RUVBL2: variants seen among roughly 807,000 people sequenced by gnomAD.
The protein encoded by RUVBL2 is RuvB like AAA ATPase 2.
A neutral mutation model predicts 57.9 loss-of-function variants in RUVBL2; 9 were observed. The observed-to-expected ratio is 0.16, with a 90% confidence interval of 0.09 to 0.27. RUVBL2 has a LOEUF of 0.27. RUVBL2 is among the 10% of genes least tolerant of loss of function. RUVBL2 has a pLI of 1.00. For missense variants in RUVBL2, 456 were observed against 669.6 expected (o/e 0.68, Z 3.52); for synonymous variants, 278 against 264.6 (o/e 1.05, Z -0.49).
In RUVBL2 at chr19:49,011,648, A is replaced by G. The variant is rs534781619; in HGVS notation, c.1001+338A>G. 9.8e-5 allele frequency among the ~76,000 whole-genome samples: 15 copies of G among 152,316 alleles called. No individual in the cohort carries two copies. The South Asian group carries it at 3.1e-3, about 32-fold the overall frequency. ...AGGGAAGCACAGTGACATCTGTTAG[A>G]CATAACATAAACTACGATTGTTCAG... On this transcript the variant is annotated intron_variant, in intron 11 of 14. Coordinates refer to ENST00000595090, the MANE Select transcript of RUVBL2 (RefSeq NM_006666.3). This position sits in a 1 kb window ranked among gnomAD's most constrained non-coding sequence, Gnocchi z 4.4.
chr19:49,006,049 C>T (rs908958331), intron 4 of RUVBL2, among the ~76,000 whole-genome samples: 8 of 152,378 alleles, frequency 5.3e-5, no homozygotes, highest in Non-Finnish European at 1.2e-4. Context: ...TGAGGCTAGC[C>T]TCGCCCTGGC....
Position 49,010,482 on chromosome 19 carries a change from C to CCCCACACCAA in RUVBL2, c.664-5_664-4insCCACACCAAC. 1 of 1,605,480 alleles carries CCCCACACCAA rather than the reference C, an allele frequency of 6.2e-7. No individual in the cohort carries two copies. Among genetic ancestry groups the CCCCACACCAA allele is most frequent in the Non-Finnish European group, 8.5e-7 (1 of 1,173,114 alleles). The stretch of plus-strand genomic sequence containing the variant: ...CCGCCGTTCTTCCCCCACCCCCGCC[C>CCCCACACCAA]CATAGACCAAGTTCGTGCAGTGCCC... On this transcript the variant is annotated splice_polypyrimidine_tract_variant and splice_region_variant and intron_variant, in intron 8 of 14. Transcript: ENST00000595090.
intron 4 of RUVBL2, 87 bp from the exon 5 acceptor site, chr19:49,006,931 G>A: frequency 6.5e-7 from 1 of 1,547,352 alleles, no homozygotes; most frequent in Admixed American, 1.8e-5. Context: ...CTTTCCTGGG[G>A]TGGGAGAAAA....
chr19:48,998,108 G>C (rs941297292), intron 1 of RUVBL2, among the ~76,000 whole-genome samples: 2 of 152,172 alleles, frequency 1.3e-5, no homozygotes, highest in Non-Finnish European at 1.5e-5. Context: ...CAGGGAGATC[G>C]GGCTCCCAGG....
At chr19:49,015,281 T>C (rs1023960186) in intron 13 of RUVBL2, 131 bp downstream of exon 13, 4 of 1,313,762 alleles carry the variant, frequency 3.0e-6, no homozygotes, top group Non-Finnish European at 3.1e-6. Context: ...ATCCCTCAGG[T>C]TGGCTTCTGT....
upstream of RUVBL2, chr19:48,993,581 G>A (rs558155873): frequency 1.4e-5 from 7 of 500,898 alleles, no homozygotes; most frequent in Non-Finnish European, 2.2e-5. Flanking sequence ...AGGAGGGTGG[G>A]ATAAAGAGGA....
intron 2 of RUVBL2, among the ~76,000 whole-genome samples, chr19:49,002,181 T>C (rs2039197472): frequency 2.0e-5 from 3 of 152,044 alleles, no homozygotes; most frequent in Non-Finnish European, 4.4e-5. Context: ...CCCGAGTATC[T>C]GAGACTACAG....
chr19:49,009,256 A>G (rs942541021), intron 6 of RUVBL2, among the ~76,000 whole-genome samples: 21 of 142,668 alleles, frequency 1.5e-4, no homozygotes, highest in Non-Finnish European at 2.6e-4. Flanking sequence ...TGGGAGGCCG[A>G]GGTGGGCAGA....
intron 6 of RUVBL2, among the ~76,000 whole-genome samples, chr19:49,007,702 C>T (rs1054252228): frequency 1.3e-5 from 2 of 150,446 alleles, no homozygotes; most frequent in African/African-American, 4.9e-5. Flanking sequence ...GTGATTTGCT[C>T]TCTCTTTTTT....
chr19:49,003,961 T>A (rs910655758), intron 3 of RUVBL2, among the ~76,000 whole-genome samples: 3 of 150,656 alleles, frequency 2.0e-5, no homozygotes, highest in Admixed American at 6.6e-5. Context: ...CAAAAAATTT[T>A]AAAAATTAGC....
intron 6 of RUVBL2, among the ~76,000 whole-genome samples, chr19:49,008,008 CTTTTTTTTTTTTTTTT>C (rs915809242): frequency 1.1e-5 from 1 of 90,386 alleles, no homozygotes; most frequent in Non-Finnish European, 2.2e-5. Flanking sequence ...TACCTGGCCT[CTTTTTTTTTTTTTTTT>C]TTTTTTTTTA....
At chr19:49,001,558 C>T (rs184319651) in intron 2 of RUVBL2, 2 of 150,838 alleles carry the variant, frequency 1.3e-5, no homozygotes, top group Non-Finnish European at 2.9e-5. Context: ...CACCCAGGAG[C>T]CTCCCTTGGG....
intron 1 of RUVBL2, chr19:48,994,717 G>A (rs2039019400): frequency 6.6e-6 from 1 of 152,060 alleles, no homozygotes; most frequent in Non-Finnish European, 1.5e-5. Flanking sequence ...ATCACTTCAG[G>A]TCAGGAGTTC....
chr19:49,013,489 G>T (rs1294423200), intron 11 of RUVBL2, among the ~76,000 whole-genome samples: 1 of 152,102 alleles, frequency 6.6e-6, no homozygotes, highest in Non-Finnish European at 1.5e-5. Context: ...GTGCAAGGAG[G>T]CTGTGAAGCC....
At chr19:49,005,489 A>G (rs1321448788) in intron 4 of RUVBL2, among the ~76,000 whole-genome samples, 1 of 152,186 alleles carries the variant, frequency 6.6e-6, no homozygotes, top group Non-Finnish European at 1.5e-5. Flanking sequence ...TTGTTGCTAG[A>G]GGCTTCCAGA....
Position 49,014,030 on chromosome 19 carries a change from A to G in RUVBL2, c.1002-454A>G, listed in dbSNP as rs1042466020. On this transcript the variant is annotated intron_variant, in intron 11 of 14. Transcript: ENST00000595090. ...GAGGCTCGAGAGAGCCTAACCCTGTATTCCAGTAGGAGCAGTGGCTCAGGA... is the reference window on the plus strand; with the variant it reads ...GAGGCTCGAGAGAGCCTAACCCTGTGTTCCAGTAGGAGCAGTGGCTCAGGA... 2.2e-4 allele frequency among the ~76,000 whole-genome samples: 34 copies of G among 152,274 alleles called. 1 individual carries two copies. Among genetic ancestry groups the G allele is most frequent in the Middle Eastern group, 3.2e-3 (1 of 316 alleles).
At position 49,011,162 on chromosome 19, in the gene RUVBL2, T is replaced by G. The variant is rs760021799; in HGVS notation, c.883-30T>G. 1 of 1,610,916 alleles carries G rather than the reference T, an allele frequency of 6.2e-7. No homozygotes were observed. The highest frequency in any genetic ancestry group is 8.5e-7 in the Non-Finnish European group (1 of 1,178,206). On this transcript the variant is annotated intron_variant, in intron 10 of 14. Coordinates refer to ENST00000595090, the MANE Select transcript of RUVBL2 (RefSeq NM_006666.3). The surrounding 1 kb of genome is among the most constrained non-coding windows in gnomAD (Gnocchi z 4.4). ...TGGGCCGGGGAAGTGGGGACGCGGG[T>G]GGTGACTCTCACACACACCCCAATC...
chr19:49,014,639 G>A (rs2039505437), intron 12 of RUVBL2, 36 bp downstream of exon 12: 1 of 1,611,848 alleles, frequency 6.2e-7, no homozygotes, highest in Non-Finnish European at 8.5e-7. Context: ...CTGAGACGCA[G>A]GGCTGGGGTC....
chr19:49,008,449 C>G (rs1018354682), intron 6 of RUVBL2, among the ~76,000 whole-genome samples: 2 of 149,208 alleles, frequency 1.3e-5, no homozygotes, highest in Non-Finnish European at 3.0e-5. Flanking sequence ...ACTGTGGTCT[C>G]GATCTCCTGA....
Sources: allele counts gnomAD v4.1 joint callset (sites outside exome capture counted in the v4.1 genomes callset), GRCh38; gene constraint gnomAD v4.1.1; non-coding constraint Gnocchi (gnomAD v3.1); transcripts MANE v1.5; gene names NCBI Gene and HGNC (gene_info 2026-07-23, HGNC 2026-07-21).